EIF3E: variants seen among roughly 807,000 people sequenced by gnomAD.
EIF3E encodes eukaryotic translation initiation factor 3 subunit E, also known as eIF-3 p48.
Under a neutral mutation model 59.3 loss-of-function variants are expected in EIF3E, and 25 were observed. That is an observed-to-expected ratio of 0.42 (90% CI 0.31 to 0.59). EIF3E has a LOEUF of 0.59. EIF3E is among the 20% of genes least tolerant of loss of function. EIF3E has a pLI of 0.15. For missense variants in EIF3E, 317 were observed against 534.3 expected, an observed-to-expected ratio of 0.59 and a Z score of 4.01; for synonymous variants, 176 against 170.2, an observed-to-expected ratio of 1.03 and a Z score of -0.26.
chr8:108,204,733 A>ATG (rs1321821426), intron 10 of EIF3E, among the ~76,000 whole-genome samples: 21 of 94,180 alleles, frequency 2.2e-4, no homozygotes, highest in African/African-American at 7.2e-4. Flanking sequence ...GTATGTATGT[A>ATG]TATATATATA....
chr8:108,230,927 A>G (rs73699660), intron 5 of EIF3E, among the ~76,000 whole-genome samples: 5,295 of 152,260 alleles, frequency 0.035, 301 homozygotes, highest in African/African-American at 0.12. Flanking sequence ...TACATAGTAC[A>G]TCATTCCACT....
At chr8:108,242,599 A>G (rs1815859524) in intron 1 of EIF3E, 1 of 1,169,830 alleles carries the variant, frequency 8.5e-7, no homozygotes, top group Non-Finnish European at 1.1e-6. Context: ...AAATGCCACA[A>G]TATTTCACTG....
At chr8:108,218,820 G>A (rs1586197401) in intron 7 of EIF3E, among the ~76,000 whole-genome samples, 1 of 109,880 alleles carries the variant, frequency 9.1e-6, no homozygotes, top group Non-Finnish European at 1.7e-5. Flanking sequence ...GTCTCACTCT[G>A]TCTCCTAGGC....
chr8:108,230,095 A>G (rs553924588), intron 5 of EIF3E, among the ~76,000 whole-genome samples: 1 of 152,302 alleles, frequency 6.6e-6, no homozygotes, highest in Non-Finnish European at 1.5e-5. Context: ...TAAGGGCAGT[A>G]GAGGGGGAAG....
chr8:108,232,808 C>T (rs561811389), intron 5 of EIF3E, among the ~76,000 whole-genome samples: 1 of 152,266 alleles, frequency 6.6e-6, no homozygotes, highest in East Asian at 1.9e-4. Flanking sequence ...ATCTGGATTT[C>T]CAGCAGTTAC....
intron 1 of EIF3E, 76 bp from the exon 2 acceptor site, chr8:108,241,989 C>A: frequency 1.6e-6 from 2 of 1,214,600 alleles, no homozygotes; most frequent in Non-Finnish European, 1.1e-6. Flanking sequence ...AACTAATTTA[C>A]CTGGAAATAT....
In EIF3E at chr8:108,201,250, C is replaced by CATGTATATATATATATATAT. The variant is rs1814988820; in HGVS notation, c.*634_*635insATATATATATATATATACAT. 1 of 122,892 alleles carries CATGTATATATATATATATAT rather than the reference C, an allele frequency of 8.1e-6. No homozygotes were observed. Among genetic ancestry groups the CATGTATATATATATATATAT allele is most frequent in the African/African-American group, 3.5e-5 (1 of 28,422 alleles). 7.6% of individuals were successfully genotyped at this position (122,892 alleles called of 1,614,324 possible). On this transcript the variant is annotated 3_prime_UTR_variant, in exon 13 of 13. Coordinates refer to ENST00000220849, the MANE Select transcript of EIF3E (RefSeq NM_001568.3). ...AATAAAAAAGGAATTAACTACTGAT[C>CATGTATATATATATATATAT]ATATATATATATATATCTATCTCTC... is the stretch of plus-strand genomic sequence containing the variant.
intron 10 of EIF3E, among the ~76,000 whole-genome samples, chr8:108,206,031 T>C (rs1318160697): frequency 6.6e-6 from 1 of 152,186 alleles, no homozygotes; most frequent in Non-Finnish European, 1.5e-5. Context: ...ATACCCAGTT[T>C]ATTTCCAAAT....
At chr8:108,246,864 TAATA>T (rs771440236) in intron 1 of EIF3E, among the ~76,000 whole-genome samples, 3 of 152,232 alleles carry the variant, frequency 2.0e-5, no homozygotes, top group Non-Finnish European at 4.4e-5. Flanking sequence ...TACTTTATTG[TAATA>T]ATACAGTATA....
At chr8:108,247,450 A>C (rs953030226) in intron 1 of EIF3E, among the ~76,000 whole-genome samples, 2 of 152,242 alleles carry the variant, frequency 1.3e-5, no homozygotes, top group Non-Finnish European at 2.9e-5. Flanking sequence ...AAATATATCA[A>C]GAGAAAGTTT....
intron 1 of EIF3E, among the ~76,000 whole-genome samples, chr8:108,248,167 G>T (rs766220316): frequency 3.3e-5 from 5 of 152,122 alleles, no homozygotes; most frequent in Middle Eastern, 3.2e-3. Flanking sequence ...AAGTGTAAGA[G>T]AATCACTCCA....
chr8:108,216,173 T>C (rs1438393869), intron 9 of EIF3E, among the ~76,000 whole-genome samples: 1 of 152,184 alleles, frequency 6.6e-6, no homozygotes, highest in Admixed American at 6.5e-5. Flanking sequence ...GATAAACACA[T>C]GGCAACAACA....
chr8:108,243,418 A>C (rs1815880096), intron 1 of EIF3E: 1 of 152,030 alleles, frequency 6.6e-6, no homozygotes, highest in African/African-American at 2.4e-5. Flanking sequence ...TCACGAGGTC[A>C]GGAGATCGAG....
At chr8:108,228,437 A>G (rs1815559077) in intron 6 of EIF3E, 46 bp from the exon 7 acceptor site, 1 of 1,348,828 alleles carries the variant, frequency 7.4e-7, no homozygotes, top group East Asian at 2.8e-5. Flanking sequence ...AATATATAAG[A>G]AAGAGGCAGG....
rs924109542 is a variant in EIF3E at position 108,203,280 on chromosome 8, G to C, written c.1164+121C>G. The C allele has an allele frequency of 6.5e-5, 84 of 1,291,030 alleles. 1 individual carries two copies. In the East Asian group the frequency reaches 2.0e-3, roughly 30 times the overall value. The allele number at this position is 1,291,030 out of a possible 1,614,324, so 80.0% of individuals were successfully genotyped here. A position where few individuals can be genotyped will look rare whatever the true frequency, so the allele number is the denominator to read the frequency against. On this transcript the variant is annotated intron_variant, in intron 11 of 12. Coordinates refer to ENST00000220849, the MANE Select transcript of EIF3E (RefSeq NM_001568.3). ...ATAGGAGGCTTCTGTTGCCTTCAAA[G>C]AACTGTTTTACATTAAAACAAAATA...
At chr8:108,244,883 C>T (rs568517879) in intron 1 of EIF3E, among the ~76,000 whole-genome samples, 3 of 151,820 alleles carry the variant, frequency 2.0e-5, no homozygotes, top group African/African-American at 4.8e-5. Flanking sequence ...TAATGTTATT[C>T]GATCACATCT....
chr8:108,202,871 C>A (rs619227), intron 12 of EIF3E, 112 bp downstream of exon 12: 521,274 of 1,258,500 alleles, frequency 0.41, 111,088 homozygotes, highest in South Asian at 0.45. Flanking sequence ...ATGTTCATAT[C>A]TTTAAAGAGA....
intron 1 of EIF3E, among the ~76,000 whole-genome samples, chr8:108,247,828 A>G (rs987879903): frequency 6.6e-6 from 1 of 152,208 alleles, no homozygotes; most frequent in East Asian, 1.9e-4. Flanking sequence ...ACTAATGTCA[A>G]TTTTCTTTTA....
intron 7 of EIF3E, among the ~76,000 whole-genome samples, chr8:108,218,921 C>G (rs535263088): frequency 2.0e-5 from 3 of 151,328 alleles, no homozygotes; most frequent in Admixed American, 6.6e-5. Context: ...GTAGTTGGAA[C>G]TACAGGTGCA....
Sources: gnomAD v4.1 joint callset for allele counts (sites outside exome capture counted in the v4.1 genomes callset) on GRCh38, gnomAD v4.1.1 for gene constraint, MANE v1.5 for transcripts, NCBI Gene and HGNC (gene_info 2026-07-23, HGNC 2026-07-21) for gene names.